Variants in VPS35 observed in about 807,000 individuals in gnomAD.
VPS35 encodes the protein vacuolar protein sorting-associated protein 35.
A neutral mutation model predicts 98.1 loss-of-function variants in VPS35; 21 were observed. That is an observed-to-expected ratio of 0.21 (90% CI 0.15 to 0.31). The LOEUF (loss-of-function observed/expected upper bound fraction) is 0.31, where lower values mean the gene tolerates loss of function less well. Among genes scored for constraint, VPS35 ranks in the 10% least tolerant of loss-of-function variants. VPS35 has a pLI of 1.00. For synonymous variants in VPS35, 268 were observed against 318.2 expected (o/e 0.84, Z 1.68); for missense variants, 554 against 950.8 (o/e 0.58, Z 5.49).
chr16:46,675,930 T>C (rs992539872), intron 8 of VPS35, among the ~76,000 whole-genome samples: 2 of 152,068 alleles, frequency 1.3e-5, no homozygotes, highest in African/African-American at 4.8e-5. Flanking sequence ...CTGGGCTTGT[T>C]GGTGCATGTC....
chr16:46,674,952 C>G (rs566319063), intron 8 of VPS35, among the ~76,000 whole-genome samples: 1 of 151,610 alleles, frequency 6.6e-6, no homozygotes, highest in Non-Finnish European at 1.5e-5. Context: ...TGCCACCATA[C>G]CCAGCTAATT....
Position 46,689,168 on chromosome 16 carries a change from G to A in VPS35, c.-35C>T, listed in dbSNP as rs189775907. 5.8e-4 allele frequency: 932 copies of A among 1,603,468 alleles called. No homozygotes were observed. Among genetic ancestry groups the A allele is most frequent in the Middle Eastern group, 3.2e-3 (19 of 5,992 alleles). On this transcript the variant is annotated 5_prime_UTR_variant, in exon 1 of 17. Coordinates refer to ENST00000299138, the MANE Select transcript of VPS35 (RefSeq NM_018206.6). ...CCAGAGCCTGCAGCAAGCAGCACCC[G>A]CCCCGCGCGTAGCCTCCCGCGGTCA...
In VPS35 at chr16:46,658,355, C is replaced by CTATG. The variant is rs1274463804; in HGVS notation, c.*2113_*2116dup. 6.5e-6 allele frequency: 1 copy of CTATG among 153,742 alleles called. No individual in the cohort carries two copies. The highest frequency in any genetic ancestry group is 1.5e-5 in the Non-Finnish European group (1 of 68,052). 9.5% of individuals were successfully genotyped at this position (153,742 alleles called of 1,614,324 possible). On this transcript the variant is annotated 3_prime_UTR_variant, in exon 17 of 17. Transcript: ENST00000299138. ...AGACTAACGTTCTTGAAGCTAGAGG[C>CTATG]TATGATCTTCTTCACCTTTAGATTC...
chr16:46,665,144 A>G (rs1003395087), intron 13 of VPS35, among the ~76,000 whole-genome samples: 4 of 152,238 alleles, frequency 2.6e-5, no homozygotes, highest in Non-Finnish European at 5.9e-5. Context: ...TTTTCATCAC[A>G]CCATCGCCAT....
chr16:46,656,901 G>A lies in VPS35; in HGVS notation c.*3571C>T, dbSNP rs1965848516. On this transcript the variant is annotated 3_prime_UTR_variant, in exon 17 of 17. Coordinates refer to ENST00000299138, the MANE Select transcript of VPS35 (RefSeq NM_018206.6). ...CACGCCTGTAATCCCAGCTACTCGG[G>A]AGGCTGAGGCAGGAGAATTGCTTGA... 1 of 152,392 alleles carries A rather than the reference G, an allele frequency of 6.6e-6. No individual in the cohort carries two copies. 9.4% of individuals were successfully genotyped at this position (152,392 alleles called of 1,614,324 possible).
In VPS35 at chr16:46,656,199, A is replaced by G. The variant is rs752035703; in HGVS notation, c.*4273T>C. 1.3e-5 allele frequency: 2 copies of G among 152,222 alleles called. No individual in the cohort carries two copies. The highest frequency in any genetic ancestry group is 2.1e-4 in the South Asian group (1 of 4,818). The allele number at this position is 152,222 out of a possible 1,614,324, so 9.4% of individuals were successfully genotyped here. ...TACTAGAAGATACGGCTCCTTTCCA[A>G]TGCAACGTCTCTGGGTAGGTGGAGG... On this transcript the variant is annotated 3_prime_UTR_variant, in exon 17 of 17. Transcript: ENST00000299138.
At position 46,680,820 on chromosome 16, in the gene VPS35, G is replaced by A. The variant is rs1410445022; in HGVS notation, c.357C>T (p.Val119=). The change falls in exon 5 of 17, where the codon GTC becomes GTT. Residue 119 remains valine (V), a synonymous_variant. Transcript: ENST00000299138. ...YLLITVGVVY[V]KSFPQSRKDI... ...CCTTCCTGGACTGAGGAAATGACTT[G>A]ACATATACAACTCCAACTGTGATCA... 13 of 1,613,792 alleles carry A rather than the reference G, an allele frequency of 8.1e-6. No individual in the cohort carries two copies. The highest frequency in any genetic ancestry group is 1.1e-5 in the Non-Finnish European group (13 of 1,179,904).
Position 46,656,416 on chromosome 16 carries a change from G to A in VPS35, c.*4056C>T, listed in dbSNP as rs1329123534. ...ATTTGAAACCACCTTTACAAAAATT[G>A]TAACTGAGGAAATTATGACAGTGAA... On this transcript the variant is annotated 3_prime_UTR_variant, in exon 17 of 17. Transcript: ENST00000299138. 6.6e-6 allele frequency: 1 copy of A among 152,216 alleles called. No individual in the cohort carries two copies. Among genetic ancestry groups the A allele is most frequent in the South Asian group, 2.1e-4 (1 of 4,836 alleles). 9.4% of individuals were successfully genotyped at this position (152,216 alleles called of 1,614,324 possible). A position where few individuals can be genotyped will look rare whatever the true frequency, so the allele number is the denominator to read the frequency against.
Position 46,661,884 on chromosome 16 carries a change from C to A in VPS35, c.2068-23G>T. 1 of 1,613,986 alleles carries A rather than the reference C, an allele frequency of 6.2e-7. No individual in the cohort carries two copies. The highest frequency in any genetic ancestry group is 1.1e-5 in the South Asian group (1 of 91,056). ...AAGCTAAAATAAAAGGGCAGGGGGA[C>A]AGTGAAGAGATTAATGAAACATCTC... On this transcript the variant is annotated intron_variant, in intron 15 of 16. Coordinates refer to ENST00000299138, the MANE Select transcript of VPS35 (RefSeq NM_018206.6). This position sits in a 1 kb window ranked among gnomAD's most constrained non-coding sequence, Gnocchi z 4.3.
In VPS35 at chr16:46,687,382, T is replaced by G. The variant is rs7197933; in HGVS notation, c.3+1749A>C. 3.8e-3 allele frequency among the ~76,000 whole-genome samples: 582 copies of G among 152,244 alleles called. 4 individuals carry two copies. Among genetic ancestry groups the G allele is most frequent in the African/African-American group, 0.013 (559 of 41,540 alleles). On this transcript the variant is annotated intron_variant, in intron 1 of 16. Coordinates refer to ENST00000299138, the MANE Select transcript of VPS35 (RefSeq NM_018206.6). Reference sequence around the variant, plus strand: ...GCTCTAACTTCATTTCCAATACATATCCCCAAGAATCCTCTGATGGAGCAC... The same window carrying G: ...GCTCTAACTTCATTTCCAATACATAGCCCCAAGAATCCTCTGATGGAGCAC...
intron 2 of VPS35, 88 bp downstream of exon 2, chr16:46,683,420 C>A (rs1357525405): frequency 3.2e-6 from 4 of 1,243,582 alleles, no homozygotes; most frequent in Non-Finnish European, 1.2e-6. Context: ...ATTAGATTTA[C>A]CAGAAACACC....
chr16:46,673,108 GTTT>G (rs1441420724), intron 10 of VPS35, among the ~76,000 whole-genome samples: 1 of 151,732 alleles, frequency 6.6e-6, no homozygotes, highest in East Asian at 1.9e-4. Context: ...ACATCATTTA[GTTT>G]TTTTAATTTA....
intron 8 of VPS35, among the ~76,000 whole-genome samples, chr16:46,676,286 T>C (rs1641118): frequency 7.2e-5 from 11 of 152,278 alleles, no homozygotes; most frequent in Admixed American, 4.6e-4. Flanking sequence ...ATATGATCTT[T>C]GGATTTGTAT....
At chr16:46,662,127 T>C in intron 15 of VPS35, 116 bp downstream of exon 15, 1 of 1,572,784 alleles carries the variant, frequency 6.4e-7, no homozygotes, top group Non-Finnish European at 8.7e-7. Context: ...AACAAAGCAA[T>C]TTTGTTCATC....
chr16:46,667,183 T>C (rs759666079), intron 13 of VPS35, among the ~76,000 whole-genome samples: 2 of 152,234 alleles, frequency 1.3e-5, no homozygotes, highest in Non-Finnish European at 2.9e-5. Flanking sequence ...TGACATCTCA[T>C]AGTGGTTTTG....
In VPS35 at chr16:46,661,790, G is replaced by A; in HGVS notation, c.2139C>T (p.Pro713=). The A allele has an allele frequency of 1.2e-6, 2 of 1,614,026 alleles. No individual in the cohort carries two copies. The highest frequency in any genetic ancestry group is 1.7e-6 in the Non-Finnish European group (2 of 1,179,954). The part of the protein sequence containing the change: ...ALKIANQCMD[P]SLQVQLFIEI... The stretch of plus-strand genomic sequence containing the variant: ...CTATAAAAAGCTGCACTTGTAGAGA[G>A]GGGTCCATGCACTGATTTGCTATTT... Residue 713 remains proline (P), a synonymous_variant, in exon 16 of 17, where the codon CCC becomes CCT. Transcript: ENST00000299138. This position sits in a 1 kb window ranked among gnomAD's most constrained non-coding sequence, Gnocchi z 4.3.
At chr16:46,663,457 C>T (rs762427988) in intron 13 of VPS35, among the ~76,000 whole-genome samples, 4 of 152,234 alleles carry the variant, frequency 2.6e-5, no homozygotes, top group South Asian at 2.1e-4. Flanking sequence ...TCTTGGCTCA[C>T]TGCAACCTCC....
In VPS35 at chr16:46,683,452, A is replaced by C. The variant is rs114226426; in HGVS notation, c.102+56T>G. On this transcript the variant is annotated intron_variant, in intron 2 of 16. Coordinates refer to ENST00000299138, the MANE Select transcript of VPS35 (RefSeq NM_018206.6). ...CACCTGACTCTAGAAGACACTGCAC[A>C]TGCTTCCTTAGGAACACACGAACTG... The C allele has an allele frequency of 1.2e-3, 1,857 of 1,514,784 alleles. 18 individuals carry two copies. In the African/African-American group the frequency reaches 0.022, roughly 18 times the overall value. 93.8% of individuals were successfully genotyped at this position (1,514,784 alleles called of 1,614,324 possible).
intron 13 of VPS35, among the ~76,000 whole-genome samples, chr16:46,665,270 G>A (rs1272975937): frequency 6.6e-6 from 1 of 152,180 alleles, no homozygotes; most frequent in Non-Finnish European, 1.5e-5. Context: ...ATTTCTTCTT[G>A]TTAAAGCAAT....
Sources: allele counts gnomAD v4.1 joint callset (sites outside exome capture counted in the v4.1 genomes callset), GRCh38; gene constraint gnomAD v4.1.1; non-coding constraint Gnocchi (gnomAD v3.1); transcripts MANE v1.5; gene names NCBI Gene and HGNC (gene_info 2026-07-23, HGNC 2026-07-21).